MCC: variants seen among roughly 807,000 people sequenced by gnomAD.
The protein encoded by MCC is colorectal mutant cancer protein.
A neutral mutation model predicts 116.2 loss-of-function variants in MCC; 90 were observed. The ratio of observed to expected loss-of-function variants is 0.77; its 90% CI spans 0.65 to 0.92. The LOEUF (loss-of-function observed/expected upper bound fraction) is 0.92. Ranked by LOEUF, MCC falls within the 40% of genes least tolerant of loss-of-function variation. MCC has a pLI of 0.00. For synonymous variants in MCC, 578 were observed against 510.5 expected (o/e 1.13, Z -1.78); for missense variants, 1,516 against 1,312.2 (o/e 1.16, Z -2.40).
intron 1 of MCC, among the ~76,000 whole-genome samples, chr5:113,481,940 T>G (rs1442319798): frequency 1.3e-5 from 2 of 152,190 alleles, no homozygotes; most frequent in African/African-American, 4.8e-5. Flanking sequence ...ATTCTTCCCA[T>G]TACCCACAAA....
At chr5:113,378,678 G>GT (rs1769040918) in intron 2 of MCC, among the ~76,000 whole-genome samples, 1 of 152,162 alleles carries the variant, frequency 6.6e-6, no homozygotes, top group Non-Finnish European at 1.5e-5. Flanking sequence ...GCTCTCCTCA[G>GT]GCAATCCCTG....
intron 3 of MCC, among the ~76,000 whole-genome samples, chr5:113,315,482 T>C (rs941796645): frequency 6.6e-6 from 1 of 152,180 alleles, no homozygotes; most frequent in African/African-American, 2.4e-5. Context: ...TTCTGCTGCA[T>C]ACAGCCAACA....
intron 2 of MCC, among the ~76,000 whole-genome samples, chr5:113,350,735 A>G (rs1171369208): frequency 1.3e-5 from 2 of 152,090 alleles, no homozygotes; most frequent in Admixed American, 1.3e-4. Flanking sequence ...ACAATCAACA[A>G]AGTGAAGAGA....
intron 3 of MCC, among the ~76,000 whole-genome samples, chr5:113,333,826 T>TGTACATAG: frequency 1.4e-5 from 1 of 70,910 alleles, no homozygotes; most frequent in Non-Finnish European, 2.8e-5. Flanking sequence ...TGTACATATA[T>TGTACATAG]GTATATATGT....
At chr5:113,195,016 C>A (rs1362384414) in intron 3 of MCC, among the ~76,000 whole-genome samples, 1 of 152,200 alleles carries the variant, frequency 6.6e-6, no homozygotes, top group African/African-American at 2.4e-5. Context: ...TAGAACCAGG[C>A]TGCCCCAGAA....
At position 113,113,543 on chromosome 5, in the gene MCC, G is replaced by C. The variant is rs148471368; in HGVS notation, c.1027+9141C>G. Among the ~76,000 whole-genome samples, 369 of 150,508 alleles carry C rather than the reference G, an allele frequency of 2.5e-3. 1 individual carries two copies. The highest frequency in any genetic ancestry group is 8.4e-3 in the African/African-American group (345 of 40,890). ...AGACAAGAGGACTTATGAGAACAAT[G>C]TTGTGGTAGTTTAAAAACTCCTCAG... is the stretch of plus-strand genomic sequence containing the variant. On this transcript the variant is annotated intron_variant, in intron 6 of 18. Transcript: ENST00000408903.
At chr5:113,102,007 A>G in intron 7 of MCC, 62 bp from the exon 8 acceptor site, 5 of 1,510,576 alleles carry the variant, frequency 3.3e-6, no homozygotes, top group Non-Finnish European at 4.6e-6. Flanking sequence ...GGATAGGAAG[A>G]AAATAGGCTG....
chr5:113,094,045 G>C (rs370051968), intron 8 of MCC, among the ~76,000 whole-genome samples: 1 of 152,144 alleles, frequency 6.6e-6, no homozygotes, highest in African/African-American at 2.4e-5. Flanking sequence ...TGTAGTTTTT[G>C]GAAAGCTGCT....
At chr5:113,419,477 G>T (rs150899335) in intron 1 of MCC, among the ~76,000 whole-genome samples, 3 of 152,008 alleles carry the variant, frequency 2.0e-5, no homozygotes, top group African/African-American at 7.2e-5. Flanking sequence ...GATTACGGGT[G>T]TAAGCCACCA....
intron 12 of MCC, among the ~76,000 whole-genome samples, chr5:113,069,832 C>G (rs368401753): frequency 5.3e-5 from 8 of 152,186 alleles, no homozygotes; most frequent in East Asian, 3.9e-4. Flanking sequence ...GTGATCCGCC[C>G]GCCTCGGCCT....
At chr5:113,120,459 C>T (rs1381500292) in intron 6 of MCC, among the ~76,000 whole-genome samples, 2 of 152,188 alleles carry the variant, frequency 1.3e-5, no homozygotes, top group African/African-American at 2.4e-5. Context: ...GACTACTGAT[C>T]GCTCCTTCCT....
At chr5:113,397,962 C>T (rs534368716) in intron 1 of MCC, among the ~76,000 whole-genome samples, 1 of 152,258 alleles carries the variant, frequency 6.6e-6, no homozygotes, top group South Asian at 2.1e-4. Context: ...GTAATATCCA[C>T]AATCTATAAG....
intron 3 of MCC, among the ~76,000 whole-genome samples, chr5:113,190,421 A>G (rs983445580): frequency 2.0e-5 from 3 of 152,182 alleles, no homozygotes; most frequent in African/African-American, 7.2e-5. Context: ...AGGAGGGGCT[A>G]TAAGGATTCT....
At chr5:113,457,542 G>A (rs1279691716) in intron 1 of MCC, among the ~76,000 whole-genome samples, 2 of 152,220 alleles carry the variant, frequency 1.3e-5, no homozygotes, top group African/African-American at 4.8e-5. Flanking sequence ...GCATGGCGTG[G>A]GACTGGCAGG....
chr5:113,027,076 T>C lies in MCC; in HGVS notation c.*226A>G, dbSNP rs1452104667. 5 of 541,022 alleles carry C rather than the reference T, an allele frequency of 9.2e-6. No homozygotes were observed. Among genetic ancestry groups the C allele is most frequent in the East Asian group, 3.0e-5 (1 of 32,798 alleles). 33.5% of individuals were successfully genotyped at this position (541,022 alleles called of 1,614,324 possible). A position where few individuals can be genotyped will look rare whatever the true frequency, so the allele number is the denominator to read the frequency against. On this transcript the variant is annotated 3_prime_UTR_variant, in exon 19 of 19. Transcript: ENST00000408903. ...AGGCACAGAACATGTGTTTACACGC[T>C]GTTGTGGGCCCAGGAGGGAAGAGCG...
intron 3 of MCC, among the ~76,000 whole-genome samples, chr5:113,173,103 TTTAA>T (rs1229036814): frequency 6.6e-6 from 1 of 152,168 alleles, no homozygotes; most frequent in Non-Finnish European, 1.5e-5. Context: ...CTGTTCGTCT[TTTAA>T]TTTATATAGC....
intron 3 of MCC, among the ~76,000 whole-genome samples, chr5:113,273,828 AAC>A (rs1043507075): frequency 6.6e-6 from 1 of 152,180 alleles, no homozygotes; most frequent in Non-Finnish European, 1.5e-5. Flanking sequence ...AGAAAAAAAA[AAC>A]AGTGAGCAAT....
At chr5:113,473,921 C>G (rs1357351713) in intron 1 of MCC, among the ~76,000 whole-genome samples, 2 of 152,002 alleles carry the variant, frequency 1.3e-5, no homozygotes, top group African/African-American at 2.4e-5. Flanking sequence ...GCCTGAAAAG[C>G]TGACAGAAAA....
intron 3 of MCC, among the ~76,000 whole-genome samples, chr5:113,196,864 C>A (rs1474511980): frequency 6.6e-6 from 1 of 152,078 alleles, no homozygotes; most frequent in Non-Finnish European, 1.5e-5. Context: ...AATCTGTGGG[C>A]AAACAGAAGC....
Sources: allele counts gnomAD v4.1 joint callset (sites outside exome capture counted in the v4.1 genomes callset), GRCh38; gene constraint gnomAD v4.1.1; transcripts MANE v1.5; gene names NCBI Gene and HGNC (gene_info 2026-07-23, HGNC 2026-07-21).